Variants in DPF3 observed in about 807,000 individuals in gnomAD.
DPF3 encodes the protein zinc finger protein DPF3.
Under a neutral mutation model 56.8 loss-of-function variants are expected in DPF3, and 18 were observed. The observed-to-expected ratio is 0.32, with a 90% CI of 0.22 to 0.47. DPF3 has a LOEUF of 0.47. Among genes scored for constraint, DPF3 ranks in the 20% least tolerant of loss-of-function variants. The probability of loss-of-function intolerance (pLI) is 1.00; values close to 1 mark genes in which losing one functional copy is unlikely to be tolerated. For missense variants in DPF3, 403 were observed against 488.8 expected (o/e 0.82, Z 1.65); for synonymous variants, 188 against 180.2 (o/e 1.04, Z -0.35).
At chr14:72,841,169 G>C (rs894974378) in intron 1 of DPF3, among the ~76,000 whole-genome samples, 1 of 152,154 alleles carries the variant, frequency 6.6e-6, no homozygotes, top group Non-Finnish European at 1.5e-5. Context: ...TTGTTTGGGG[G>C]TCAGGGAAGG....
rs78406063 is a variant in DPF3, at chr14:72,736,635, G to T, written c.302-4701C>A. On this transcript the variant is annotated intron_variant, in intron 3 of 10. Coordinates refer to ENST00000556509, the MANE Select transcript of DPF3 (RefSeq NM_001280542.3). ...TCCTGACCACAGGAGGTCCCAGAAT[G>T]AAGGAGGAAGAAAGGTAACAGGTCC... Among the ~76,000 whole-genome samples, 727 of 152,238 alleles carry T rather than the reference G, an allele frequency of 4.8e-3. 52 individuals are homozygous for T. The East Asian group carries it at 0.12, about 26-fold the overall frequency.
rs1884099949 is a variant in DPF3, at chr14:72,616,501, T to G, written c.*2796A>C. 6.6e-6 allele frequency among the ~76,000 whole-genome samples: 1 copy of G among 152,178 alleles called. No individual in the cohort carries two copies. Among genetic ancestry groups the G allele is most frequent in the Admixed American group, 6.5e-5 (1 of 15,274 alleles). On this transcript the variant is annotated 3_prime_UTR_variant, in exon 11 of 11. Transcript: ENST00000556509. ...GAAGAAGACGTCTAACATTGGCTAA[T>G]GCACACAAGAAGGCGGACATGGAAA...
chr14:72,707,627 C>T (rs548174630), intron 6 of DPF3, among the ~76,000 whole-genome samples: 1 of 152,130 alleles, frequency 6.6e-6, no homozygotes, highest in Admixed American at 6.5e-5. Context: ...CTGAGTGGGG[C>T]AGCGGGGCGT....
At position 72,619,134 on chromosome 14, in the gene DPF3, A is replaced by C. The variant is rs74062312; in HGVS notation, c.*163T>G. ...TCCGTACATATCGGGGGAGGTCAGG[A>C]GATGCCTCACCCTCTTCGTTCCATG... On this transcript the variant is annotated 3_prime_UTR_variant, in exon 11 of 11. Coordinates refer to ENST00000556509, the MANE Select transcript of DPF3 (RefSeq NM_001280542.3). 0.024 allele frequency among the ~76,000 whole-genome samples: 3,688 copies of C among 152,302 alleles called. 145 individuals are homozygous for C. Among genetic ancestry groups the C allele is most frequent in the African/African-American group, 0.084 (3,475 of 41,562 alleles).
chr14:72,749,090 T>C (rs1376184280), intron 3 of DPF3, among the ~76,000 whole-genome samples: 1 of 152,156 alleles, frequency 6.6e-6, no homozygotes, highest in African/African-American at 2.4e-5. Context: ...ACCTTGCACC[T>C]GGAAAAGCCG....
chr14:72,815,333 G>T (rs1883237507), intron 1 of DPF3, among the ~76,000 whole-genome samples: 1 of 152,218 alleles, frequency 6.6e-6, no homozygotes, highest in South Asian at 2.1e-4. Context: ...GGCTGACAAT[G>T]CCAAGCTCTG....
intron 8 of DPF3, chr14:72,670,468 G>C: frequency 1.0e-6 from 1 of 986,048 alleles, no homozygotes; most frequent in Non-Finnish European, 1.2e-6. Context: ...CTCGCAAGCA[G>C]AGAGGAAGAT....
chr14:72,672,059 A>ACACACACACACACACACACACG (rs1555494742), intron 8 of DPF3, among the ~76,000 whole-genome samples: 1 of 63,708 alleles, frequency 1.6e-5, no homozygotes, highest in African/African-American at 4.7e-5. Flanking sequence ...ACACACACAC[A>ACACACACACACACACACACACG]GACACACACA....
chr14:72,655,451 T>C (rs1187586452), intron 8 of DPF3, among the ~76,000 whole-genome samples: 1 of 152,194 alleles, frequency 6.6e-6, no homozygotes, highest in Admixed American at 6.5e-5. Flanking sequence ...ATGAAATCCA[T>C]GCACCAAAGA....
chr14:72,792,003 C>A (rs989395424), intron 1 of DPF3, among the ~76,000 whole-genome samples: 10 of 152,228 alleles, frequency 6.6e-5, no homozygotes, highest in South Asian at 2.1e-4. Context: ...GGGCTCCATG[C>A]TGCCTAGAGT....
chr14:72,825,454 C>G (rs1883753863), intron 1 of DPF3, among the ~76,000 whole-genome samples: 1 of 152,274 alleles, frequency 6.6e-6, no homozygotes, highest in Admixed American at 6.5e-5. Context: ...CTCACACTCT[C>G]TCACAGAGCA....
rs1352132339 is a variant in DPF3 at position 72,613,033 on chromosome 14, T to G, written c.*6264A>C. ...GTGTGTGTGTGTGTGTGTGTGTGTATGTGCGTGCGTGCACGCACGCGCATG... is the reference window on the plus strand; with the variant it reads ...GTGTGTGTGTGTGTGTGTGTGTGTAGGTGCGTGCGTGCACGCACGCGCATG... On this transcript the variant is annotated 3_prime_UTR_variant, in exon 11 of 11. Transcript: ENST00000556509. Among the ~76,000 whole-genome samples the G allele has an allele frequency of 6.6e-6, 1 of 150,936 alleles. No individual in the cohort carries two copies. Among genetic ancestry groups the G allele is most frequent in the African/African-American group, 2.4e-5 (1 of 40,898 alleles).
At chr14:72,758,282 G>A (rs534298258) in intron 2 of DPF3, among the ~76,000 whole-genome samples, 2 of 152,274 alleles carry the variant, frequency 1.3e-5, no homozygotes, top group East Asian at 3.9e-4. Context: ...GGCATTGAAG[G>A]ACAGTGATCC....
intron 1 of DPF3, among the ~76,000 whole-genome samples, chr14:72,877,961 C>A (rs933293872): frequency 3.9e-5 from 6 of 152,184 alleles, no homozygotes; most frequent in Admixed American, 3.3e-4. Flanking sequence ...CTGTCCTGAA[C>A]TGGGATTGAG....
chr14:72,725,064 T>C (rs1006118139), intron 4 of DPF3, among the ~76,000 whole-genome samples: 8 of 152,096 alleles, frequency 5.3e-5, no homozygotes, highest in Non-Finnish European at 1.0e-4. Flanking sequence ...GGGCAAGTCA[T>C]CATCTCTTCA....
chr14:72,626,776 T>G (rs1183282385), intron 9 of DPF3, among the ~76,000 whole-genome samples: 2 of 152,170 alleles, frequency 1.3e-5, no homozygotes, highest in African/African-American at 4.8e-5. Context: ...AGGGTTGTAC[T>G]AATTTGTATT....
chr14:72,783,486 A>AC (rs1178897308), intron 1 of DPF3, among the ~76,000 whole-genome samples: 1 of 151,912 alleles, frequency 6.6e-6, no homozygotes. Flanking sequence ...CTGGCAGGAG[A>AC]CCCCCAGCAC....
intron 1 of DPF3, chr14:72,892,416 G>A: frequency 1.3e-6 from 2 of 1,491,162 alleles, no homozygotes; most frequent in South Asian, 1.3e-5. Context: ...ACTGAAGCCA[G>A]GAGCTCCTAT....
chr14:72,663,166 C>CAAAAAAAAAAAAAAAAAAAAAAA (rs56335418), intron 8 of DPF3, among the ~76,000 whole-genome samples: 1 of 88,544 alleles, frequency 1.1e-5, no homozygotes, highest in African/African-American at 4.5e-5. Context: ...TGGGTGTTAG[C>CAAAAAAAAAAAAAAAAAAAAAAA]AAAAAAAAAA....
Sources: gnomAD v4.1 joint callset for allele counts (sites outside exome capture counted in the v4.1 genomes callset) on GRCh38, gnomAD v4.1.1 for gene constraint, MANE v1.5 for transcripts, NCBI Gene and HGNC (gene_info 2026-07-23, HGNC 2026-07-21) for gene names.